The following FGF13 variants were observed in gnomAD, a reference collection of about 807,000 sequenced individuals.
FGF13 encodes the protein fibroblast growth factor 13.
In FGF13, 2 loss-of-function variants were observed where a neutral mutation model predicts 19.5. The observed-to-expected ratio is 0.10, with a 90% confidence interval of 0.04 to 0.32. The LOEUF (loss-of-function observed/expected upper bound fraction) is 0.32, where lower values mean the gene tolerates loss of function less well. Among genes scored for constraint, FGF13 ranks in the 10% least tolerant of loss-of-function variants. The pLI, the probability that FGF13 is intolerant of heterozygous loss-of-function variation, is 1.00. For synonymous variants in FGF13, 72 were observed against 76.9 expected (o/e 0.94, Z 0.33); for missense variants, 113 against 192.7 (o/e 0.59, Z 2.45).
rs191088686 is a variant in FGF13 at position 139,027,005 on chromosome X, T to C, written c.-112-162355A>G. Among the ~76,000 whole-genome samples the C allele has an allele frequency of 2.5e-3, 279 of 112,021 alleles. 3 individuals are homozygous for C. Among genetic ancestry groups the C allele is most frequent in the South Asian group, 5.2e-3 (14 of 2,680 alleles). On this transcript the variant is annotated intron_variant, in intron 1 of 2. Coordinates refer to the FGF13 transcript ENST00000421460. Reference sequence around the variant, plus strand: ...CACCATGGGAGTTTGTGAATAGACATAGGAGGTGAAACTGCCACATTCCTT... The same window carrying C: ...CACCATGGGAGTTTGTGAATAGACACAGGAGGTGAAACTGCCACATTCCTT...
At chrX:138,750,064 G>A (rs1375927089) in intron 3 of FGF13, among the ~76,000 whole-genome samples, 1 of 111,501 alleles carries the variant, frequency 9.0e-6, no homozygotes, top group African/African-American at 3.3e-5. Context: ...CTAGAGAAAA[G>A]GCAACAGAAC....
At chrX:139,197,763 G>A (rs1162878077) in intron 1 of FGF13, among the ~76,000 whole-genome samples, 1 of 111,012 alleles carries the variant, frequency 9.0e-6, no homozygotes, top group East Asian at 2.8e-4. Flanking sequence ...AGGCCGAGGC[G>A]GGTGGATCGT....
chrX:138,646,103 A>G (rs376485625), intron 3 of FGF13, among the ~76,000 whole-genome samples: 1 of 112,441 alleles, frequency 8.9e-6, no homozygotes, highest in Non-Finnish European at 1.9e-5. Flanking sequence ...ATGTTTAAGC[A>G]GTGCCTACAT....
At chrX:138,767,557 C>T (rs746592814) in intron 3 of FGF13, among the ~76,000 whole-genome samples, 93 of 111,864 alleles carry the variant, frequency 8.3e-4, no homozygotes, top group Non-Finnish European at 1.4e-3. Flanking sequence ...TTCTGAGGCC[C>T]TGCAAATTCC....
rs1371222437 is a variant in FGF13, at chrX:138,882,123, A to G, written c.-112-17473T>C. Among the ~76,000 whole-genome samples the G allele has an allele frequency of 2.7e-5, 3 of 110,441 alleles. No individual in the cohort carries two copies. The East Asian group carries it at 8.6e-4, about 32-fold the overall frequency. Reference sequence around the variant, plus strand: ...TCTGTGTTTTCATTAATCTCAATGTATTTTCTAATTTCTATTGTGATTTCT... The same window carrying G: ...TCTGTGTTTTCATTAATCTCAATGTGTTTTCTAATTTCTATTGTGATTTCT... On this transcript the variant is annotated intron_variant, in intron 1 of 2. Transcript: ENST00000421460.
At chrX:139,118,416 A>G (rs1008334082) in intron 1 of FGF13, among the ~76,000 whole-genome samples, 6 of 111,691 alleles carry the variant, frequency 5.4e-5, no homozygotes, top group African/African-American at 2.0e-4. Context: ...AAGTCAAACC[A>G]TCATAAGTTA....
chrX:139,199,679 T>TAGGAAGGAAGGGG (rs2084400893), intron 1 of FGF13, among the ~76,000 whole-genome samples: 2 of 111,349 alleles, frequency 1.8e-5, no homozygotes, highest in Non-Finnish European at 1.9e-5. Flanking sequence ...GGCATAGACC[T>TAGGAAGGAAGGGG]CAACTCCTTC....
intron 1 of FGF13, among the ~76,000 whole-genome samples, chrX:138,934,910 T>TC (rs1344974522): frequency 3.6e-5 from 1 of 27,454 alleles, no homozygotes; most frequent in East Asian, 2.6e-3. Flanking sequence ...GAGAGGAGTT[T>TC]GGAAAAAAAA....
chrX:138,882,252 C>T (rs1233236102), intron 1 of FGF13, among the ~76,000 whole-genome samples: 3 of 110,859 alleles, frequency 2.7e-5, no homozygotes, highest in Non-Finnish European at 5.7e-5. Flanking sequence ...CTTTGGATGA[C>T]TTAGATCTTT....
intron 1 of FGF13, among the ~76,000 whole-genome samples, chrX:139,065,179 A>G (rs1175530029): frequency 2.7e-5 from 3 of 111,449 alleles, no homozygotes; most frequent in African/African-American, 6.5e-5. Flanking sequence ...AGGAACAATC[A>G]GTTCCAGCCA....
intron 1 of FGF13, among the ~76,000 whole-genome samples, chrX:138,872,840 C>A: frequency 9.0e-6 from 1 of 111,238 alleles, no homozygotes; most frequent in Non-Finnish European, 1.9e-5. Context: ...AGAAAGCATT[C>A]ATTCTTCTCT....
intron 3 of FGF13, among the ~76,000 whole-genome samples, chrX:138,753,606 T>C (rs1231916240): frequency 8.9e-6 from 1 of 111,946 alleles, no homozygotes. Flanking sequence ...TTCAGTTTTG[T>C]GGCCAAATCT....
At chrX:138,700,817 G>A (rs2089939323) in intron 3 of FGF13, among the ~76,000 whole-genome samples, 1 of 111,516 alleles carries the variant, frequency 9.0e-6, no homozygotes, top group African/African-American at 3.3e-5. Flanking sequence ...ATACATACAA[G>A]ATGTGCCACA....
At chrX:139,054,417 C>T (rs777184748) in intron 1 of FGF13, among the ~76,000 whole-genome samples, 1 of 111,267 alleles carries the variant, frequency 9.0e-6, no homozygotes, top group Non-Finnish European at 1.9e-5. Flanking sequence ...GCCACCGCGC[C>T]CGGCTGGTCT....
chrX:139,048,563 G>GTTTTTTTTTTTTTTT (rs754951194), intron 1 of FGF13, among the ~76,000 whole-genome samples: 1 of 88,714 alleles, frequency 1.1e-5, no homozygotes, highest in Non-Finnish European at 2.3e-5. Flanking sequence ...TACAGCTCTT[G>GTTTTTTTTTTTTTTT]TTTTTTTTTT....
intron 3 of FGF13, among the ~76,000 whole-genome samples, chrX:138,773,583 G>T (rs2090565202): frequency 8.9e-6 from 1 of 112,295 alleles, no homozygotes; most frequent in Admixed American, 9.4e-5. Context: ...ACAATATGTT[G>T]TCAGGTGGTT....
Position 139,003,113 on chromosome X carries a change from T to C in FGF13, c.-112-138463A>G, listed in dbSNP as rs534196326. Reference sequence around the variant, plus strand: ...AAGCCGCGGACCCTCGCGGTGAGTGTTACAGCTCTTAAGATGGCGCGTCTG... The same window carrying C: ...AAGCCGCGGACCCTCGCGGTGAGTGCTACAGCTCTTAAGATGGCGCGTCTG... On this transcript the variant is annotated intron_variant, in intron 1 of 2. Coordinates refer to the FGF13 transcript ENST00000421460. Among the ~76,000 whole-genome samples the C allele has an allele frequency of 2.7e-5, 3 of 112,109 alleles. No homozygotes were observed. In the South Asian group the frequency reaches 1.1e-3, roughly 43 times the overall value.
chrX:138,936,233 G>A (rs929496745), intron 1 of FGF13, among the ~76,000 whole-genome samples: 2 of 111,917 alleles, frequency 1.8e-5, no homozygotes, highest in East Asian at 2.8e-4. Context: ...TCTATCCCTC[G>A]GATGCTTCTT....
chrX:138,851,534 C>T (rs1030297113), intron 3 of FGF13, among the ~76,000 whole-genome samples: 1 of 111,754 alleles, frequency 8.9e-6, no homozygotes, highest in African/African-American at 3.3e-5. Flanking sequence ...ATGTTAAAAA[C>T]TCTCAATAAA....
Sources: allele counts gnomAD v4.1 joint callset (sites outside exome capture counted in the v4.1 genomes callset), GRCh38; gene constraint gnomAD v4.1.1; transcripts MANE v1.5; gene names NCBI Gene and HGNC (gene_info 2026-07-23, HGNC 2026-07-21).